The following PWWP3B variants were observed in gnomAD, a reference collection of about 807,000 sequenced individuals.
The protein encoded by PWWP3B is PWWP domain-containing DNA repair factor 3B.
In PWWP3B, 5 loss-of-function variants were observed where a neutral mutation model predicts 15.7. The observed-to-expected ratio is 0.32, with a 90% confidence interval of 0.17 to 0.67. PWWP3B has a LOEUF of 0.67. Among genes scored for constraint, PWWP3B ranks in the 30% least tolerant of loss-of-function variants. The pLI is 0.74. For synonymous variants in PWWP3B, 203 were observed against 179.8 expected (o/e 1.13, Z -1.03); for missense variants, 519 against 493.1 (o/e 1.05, Z -0.50).
intron 2 of PWWP3B, among the ~76,000 whole-genome samples, chrX:106,198,410 C>T (rs1429785183): frequency 9.0e-6 from 1 of 111,069 alleles, no homozygotes; most frequent in African/African-American, 3.3e-5. Context: ...TAAGAAAACA[C>T]TTTTGGCTTC....
At chrX:106,179,310 C>T (rs992167218) in intron 2 of PWWP3B, among the ~76,000 whole-genome samples, 4 of 111,880 alleles carry the variant, frequency 3.6e-5, no homozygotes, top group African/African-American at 9.7e-5. Flanking sequence ...TGTCCTTTCC[C>T]TTCTCTCCTT....
chrX:106,169,758 G>A (rs1275235366), intron 1 of PWWP3B, among the ~76,000 whole-genome samples: 1 of 112,201 alleles, frequency 8.9e-6, no homozygotes, highest in Non-Finnish European at 1.9e-5. Flanking sequence ...GCTGTAAAAG[G>A]AATGAGTTAA....
intron 2 of PWWP3B, among the ~76,000 whole-genome samples, chrX:106,181,917 G>C (rs989644144): frequency 3.6e-5 from 4 of 112,300 alleles, no homozygotes; most frequent in African/African-American, 1.3e-4. Context: ...TAGCAAGATG[G>C]CTGTCACGGG....
At position 106,207,120 on chromosome X, in the gene PWWP3B, C is replaced by T; in HGVS notation, c.1688C>T (p.Ala563Val). Reference sequence around the variant, plus strand: ...AACCTGGTGGACTTCATTGTGAATGCAAAGGGAACAGAGAACCATCTTCTG... The same window carrying T: ...AACCTGGTGGACTTCATTGTGAATGTAAAGGGAACAGAGAACCATCTTCTG... ...NKNLVDFIVN[A>V]KGTENHLLAI... Residue 563 changes from alanine to valine, a missense_variant, in exon 4 of 4, where the codon GCA (alanine) becomes GTA (valine). Physicochemically the swap from Ala to Val is moderately conservative, Grantham distance 64. Transcript: ENST00000357175. 1 of 1,206,088 alleles carries T rather than the reference C, an allele frequency of 8.3e-7. No individual in the cohort carries two copies. The highest frequency in any genetic ancestry group is 1.1e-6 in the Non-Finnish European group (1 of 892,416).
At chrX:106,192,605 G>C (rs1258379008) in intron 2 of PWWP3B, among the ~76,000 whole-genome samples, 2 of 110,592 alleles carry the variant, frequency 1.8e-5, no homozygotes, top group Non-Finnish European at 3.8e-5. Context: ...GTTTGCTCTT[G>C]CTTTTCTAGT....
intron 2 of PWWP3B, among the ~76,000 whole-genome samples, chrX:106,189,836 C>T (rs1317399691): frequency 1.8e-5 from 2 of 110,577 alleles, no homozygotes; most frequent in East Asian, 5.8e-4. Flanking sequence ...CCAGGATGGT[C>T]TCGATCTCCT....
chrX:106,197,911 T>A (rs764002467), intron 2 of PWWP3B, among the ~76,000 whole-genome samples: 2 of 111,967 alleles, frequency 1.8e-5, no homozygotes, highest in Non-Finnish European at 1.9e-5. Context: ...TTTTATATCC[T>A]AAGTGGAAGT....
At chrX:106,190,938 G>A (rs1201004305) in intron 2 of PWWP3B, among the ~76,000 whole-genome samples, 3 of 111,387 alleles carry the variant, frequency 2.7e-5, no homozygotes, top group Non-Finnish European at 5.7e-5. Flanking sequence ...TGCTGTTTTG[G>A]TTACCGTAGC....
chrX:106,201,042 C>T (rs1364858062), intron 2 of PWWP3B, among the ~76,000 whole-genome samples: 2 of 102,730 alleles, frequency 1.9e-5, no homozygotes, highest in African/African-American at 7.2e-5. Context: ...AGTAAGACTC[C>T]GTCTCAAAAA....
At chrX:106,192,928 C>A (rs1923094244) in intron 2 of PWWP3B, among the ~76,000 whole-genome samples, 1 of 111,486 alleles carries the variant, frequency 9.0e-6, no homozygotes, top group Non-Finnish European at 1.9e-5. Context: ...AATTTCTGTT[C>A]TTTTCCATTT....
intron 2 of PWWP3B, among the ~76,000 whole-genome samples, chrX:106,189,779 G>T (rs774744614): frequency 1.6e-3 from 175 of 108,631 alleles, no homozygotes; most frequent in Non-Finnish European, 2.7e-3. Flanking sequence ...TACCACGCCC[G>T]GCTAATTTTT....
rs779995110 is a variant in PWWP3B, at chrX:106,204,012, A to G, written c.-373A>G. Reference sequence around the variant, plus strand: ...TAGGTTAATATCAGAGAAGCACATGACCTGGGCAATCTGCATGTGATGCCA... The same window carrying G: ...TAGGTTAATATCAGAGAAGCACATGGCCTGGGCAATCTGCATGTGATGCCA... On this transcript the variant is annotated 5_prime_UTR_variant, in exon 3 of 4. Transcript: ENST00000357175. 1 of 111,704 alleles carries G rather than the reference A, an allele frequency of 9.0e-6. No homozygotes were observed. Among genetic ancestry groups the G allele is most frequent in the African/African-American group, 3.3e-5 (1 of 30,709 alleles). The allele number at this position is 111,704 out of a possible 1,213,427, so 9.2% of individuals were successfully genotyped here.
Position 106,184,824 on chromosome X carries a change from T to G in PWWP3B, c.-401+13685T>G, listed in dbSNP as rs1455974732. 1.4e-4 allele frequency among the ~76,000 whole-genome samples: 16 copies of G among 111,024 alleles called. 1 individual carries two copies. In the Admixed American group the frequency reaches 1.5e-3, roughly 11 times the overall value. The stretch of plus-strand genomic sequence containing the variant: ...GGACATGTACCCAGGTTGGGCCAAA[T>G]TCCCTTCCCCCTACAGCTTGAAGGG... On this transcript the variant is annotated intron_variant, in intron 2 of 3. Coordinates refer to ENST00000357175, the MANE Select transcript of PWWP3B (RefSeq NM_001171020.2).
rs1407149072 is a variant in PWWP3B, at chrX:106,202,690, T to C, written c.-400-1295T>C. On this transcript the variant is annotated intron_variant, in intron 2 of 3. Transcript: ENST00000357175. ...AGAAACAGAGGATTTGGTTTATTTC[T>C]ATACGCAGTTTTCAAAATATTATAT... 5.4e-5 allele frequency among the ~76,000 whole-genome samples: 6 copies of C among 111,743 alleles called. No individual in the cohort carries two copies. The East Asian group carries it at 1.7e-3, about 31-fold the overall frequency.
At chrX:106,201,655 C>T (rs1923714171) in intron 2 of PWWP3B, 1 of 111,825 alleles carries the variant, frequency 8.9e-6, no homozygotes, top group Non-Finnish European at 1.9e-5. Context: ...GCTTTCTGTT[C>T]TTCATACAGC....
At chrX:106,186,397 C>A (rs776651564) in intron 2 of PWWP3B, among the ~76,000 whole-genome samples, 47 of 111,650 alleles carry the variant, frequency 4.2e-4, no homozygotes, top group African/African-American at 1.2e-3. Flanking sequence ...AAAATCCTGA[C>A]ACCCATGTCT....
chrX:106,198,286 A>C (rs1037412628), intron 2 of PWWP3B, among the ~76,000 whole-genome samples: 3 of 111,544 alleles, frequency 2.7e-5, no homozygotes, highest in Non-Finnish European at 3.8e-5. Context: ...ACCTGGCAAC[A>C]CTGATCTTTT....
rs1364926412 is a variant in PWWP3B, at chrX:106,207,321, A to G, written c.1889A>G (p.Asp630Gly). ...IDQIMPTWIK[D>G]DKIKFILEVL... ...CAAATAATGCCAACTTGGATAAAAG[A>G]TGATAAAATTAAATTTATCCTAGAA... Residue 630 changes from aspartate to glycine, a missense_variant, in exon 4 of 4, where the codon GAT becomes GGT. By Grantham distance (94) the Asp-to-Gly change is moderately conservative (BLOSUM62 -1). Transcript: ENST00000357175. 7.5e-6 allele frequency: 9 copies of G among 1,202,521 alleles called. No individual in the cohort carries two copies. The highest frequency in any genetic ancestry group is 1.0e-5 in the Non-Finnish European group (9 of 890,817).
At chrX:106,185,527 C>T (rs1385915855) in intron 2 of PWWP3B, among the ~76,000 whole-genome samples, 1 of 111,468 alleles carries the variant, frequency 9.0e-6, no homozygotes, top group Non-Finnish European at 1.9e-5. Flanking sequence ...TCCTCCTAGA[C>T]CACAAGGAGG....
Sources: allele counts gnomAD v4.1 joint callset (sites outside exome capture counted in the v4.1 genomes callset), GRCh38; gene constraint gnomAD v4.1.1; transcripts MANE v1.5; gene names NCBI Gene and HGNC (gene_info 2026-07-23, HGNC 2026-07-21).